Variants in RBFA observed in about 807,000 individuals in gnomAD.
RBFA encodes ribosome binding factor A.
Under a neutral mutation model 27.9 loss-of-function variants are expected in RBFA, and 16 were observed. That is an observed-to-expected ratio of 0.57 (90% CI 0.39 to 0.87). The LOEUF (loss-of-function observed/expected upper bound fraction) is 0.87. RBFA is among the 40% of genes least tolerant of loss of function. RBFA has a pLI of 0.00. For missense variants in RBFA, 456 were observed against 432.1 expected (o/e 1.06, Z -0.49); for synonymous variants, 181 against 181.0 (o/e 1.00, Z 0.00).
rs1004278942 is a variant in RBFA, at chr18:80,048,641, C to A, written c.*2486C>A. On this transcript the variant is annotated 3_prime_UTR_variant, in exon 7 of 7. Transcript: ENST00000306735. ...CCCCAGGCTGCTGCCCAGACCTCCA[C>A]GCCTGTGCCGGATGTGGTGTTGGCA... 1.3e-5 allele frequency among the ~76,000 whole-genome samples: 2 copies of A among 152,242 alleles called. No homozygotes were observed. The highest frequency in any genetic ancestry group is 1.3e-4 in the Admixed American group (2 of 15,288).
At chr18:80,041,387 A>G (rs145108484) in intron 4 of RBFA, 4 of 152,254 alleles carry the variant, frequency 2.6e-5, no homozygotes, top group African/African-American at 9.6e-5. Flanking sequence ...CCGTGCCTAC[A>G]TTGGCCCTAG....
rs1287743196 is a variant in RBFA, at chr18:80,048,757, G to C, written c.*2602G>C. Among the ~76,000 whole-genome samples, 2 of 152,172 alleles carry C rather than the reference G, an allele frequency of 1.3e-5. No individual in the cohort carries two copies. Among genetic ancestry groups the C allele is most frequent in the Non-Finnish European group, 2.9e-5 (2 of 68,028 alleles). On this transcript the variant is annotated 3_prime_UTR_variant, in exon 7 of 7. Transcript: ENST00000306735. ...GAAGTGCTGCAGGAGATCCAACCAGGCGCCGGCTCAGTGCCTCCTAGAAAG... is the reference window on the plus strand; with the variant it reads ...GAAGTGCTGCAGGAGATCCAACCAGCCGCCGGCTCAGTGCCTCCTAGAAAG...
At chr18:80,045,418 G>A (rs1420268735) in intron 6 of RBFA, among the ~76,000 whole-genome samples, 3 of 152,060 alleles carry the variant, frequency 2.0e-5, no homozygotes, top group African/African-American at 7.2e-5. Context: ...GTAGAGACAG[G>A]GTTTCACCAT....
Position 80,037,312 on chromosome 18 carries a change from C to T in RBFA, c.202-18C>T. 6.2e-7 allele frequency: 1 copy of T among 1,610,974 alleles called. No individual in the cohort carries two copies. On this transcript the variant is annotated intron_variant, in intron 2 of 6. Coordinates refer to ENST00000306735, the MANE Select transcript of RBFA (RefSeq NM_024805.3). ...GTTGTAACGCTGCCCTTGGGGTGTG[C>T]TCTTCTTCCTGATGGAGACTTACAA...
intron 4 of RBFA, 45 bp downstream of exon 4, chr18:80,038,662 C>G: frequency 7.2e-7 from 1 of 1,392,212 alleles, no homozygotes; most frequent in Non-Finnish European, 1.0e-6. Flanking sequence ...TTGCTCATAC[C>G]CTAAATTTCT....
In RBFA at chr18:80,037,613, G is replaced by A; in HGVS notation, c.378+107G>A. 4.9e-6 allele frequency: 5 copies of A among 1,022,404 alleles called. No homozygotes were observed. In the South Asian group the frequency reaches 8.8e-5, roughly 18 times the overall value. The allele number at this position is 1,022,404 out of a possible 1,614,324, so 63.3% of individuals were successfully genotyped here. A position where few individuals can be genotyped will look rare whatever the true frequency, so the allele number is the denominator to read the frequency against. On this transcript the variant is annotated intron_variant, in intron 3 of 6. Transcript: ENST00000306735. ...AATTAAAAAAAGACGCTTTAGACTG[G>A]GCGCGGTGGCTCACGCCTGTAATCC...
In RBFA at chr18:80,049,967, A is replaced by AT. The variant is rs1435982453; in HGVS notation, c.*3819dup. Among the ~76,000 whole-genome samples the AT allele has an allele frequency of 2.0e-5, 3 of 152,082 alleles. No individual in the cohort carries two copies. In the East Asian group the frequency reaches 5.8e-4, roughly 29 times the overall value. On this transcript the variant is annotated 3_prime_UTR_variant, in exon 7 of 7. Coordinates refer to ENST00000306735, the MANE Select transcript of RBFA (RefSeq NM_024805.3). ...CTCTACGGGTGACTGCCCTGGGTTG[A>AT]TTTTTTTCCAGTATTATCTTTAGTA...
intron 4 of RBFA, 31 bp downstream of exon 4, chr18:80,038,648 C>A (rs1417019604): frequency 2.6e-6 from 4 of 1,509,694 alleles, no homozygotes; most frequent in Non-Finnish European, 3.7e-6. Flanking sequence ...AATGTACTTG[C>A]TTTTTGCTCA....
At position 80,037,608 on chromosome 18, in the gene RBFA, G is replaced by T. The variant is rs1231660907; in HGVS notation, c.378+102G>T. The T allele has an allele frequency of 2.7e-6, 3 of 1,117,124 alleles. No homozygotes were observed. The East Asian group carries it at 7.4e-5, about 27-fold the overall frequency. The allele number at this position is 1,117,124 out of a possible 1,614,324, so 69.2% of individuals were successfully genotyped here. A position where few individuals can be genotyped will look rare whatever the true frequency, so the allele number is the denominator to read the frequency against. On this transcript the variant is annotated intron_variant, in intron 3 of 6. Coordinates refer to ENST00000306735, the MANE Select transcript of RBFA (RefSeq NM_024805.3). ...CTGACAATTAAAAAAAGACGCTTTA[G>T]ACTGGGCGCGGTGGCTCACGCCTGT...
intron 5 of RBFA, 109 bp downstream of exon 5, chr18:80,042,328 G>T: frequency 3.5e-6 from 2 of 567,162 alleles, no homozygotes; most frequent in African/African-American, 1.9e-5. Flanking sequence ...GGCCTCAAGG[G>T]ATCCTTCTGT....
In RBFA at chr18:80,046,579, C is replaced by T. The variant is rs2052056216; in HGVS notation, c.*424C>T. On this transcript the variant is annotated 3_prime_UTR_variant, in exon 7 of 7. Coordinates refer to ENST00000306735, the MANE Select transcript of RBFA (RefSeq NM_024805.3). ...CCTCCCAACCCCCTGGAGCTGGGCT[C>T]CGTCCCTGGGGCTGCTGGGCTGGCA... is the stretch of plus-strand genomic sequence containing the variant. Among the ~76,000 whole-genome samples the T allele has an allele frequency of 6.6e-6, 1 of 152,210 alleles. No individual in the cohort carries two copies. The highest frequency in any genetic ancestry group is 2.4e-5 in the African/African-American group (1 of 41,462).
intron 3 of RBFA, 105 bp from the exon 4 acceptor site, chr18:80,038,400 T>G: frequency 1.4e-6 from 1 of 739,802 alleles, no homozygotes; most frequent in Non-Finnish European, 2.3e-6. Context: ...AGCCCTGGCT[T>G]GGGTGGGAGG....
In RBFA at chr18:80,048,554, AGAC is replaced by A. The variant is rs2052072170; in HGVS notation, c.*2400_*2402del. 3.9e-5 allele frequency among the ~76,000 whole-genome samples: 6 copies of A among 152,220 alleles called. No individual in the cohort carries two copies. The highest frequency in any genetic ancestry group is 3.9e-4 in the Admixed American group (6 of 15,284). On this transcript the variant is annotated 3_prime_UTR_variant, in exon 7 of 7. Coordinates refer to ENST00000306735, the MANE Select transcript of RBFA (RefSeq NM_024805.3). ...CTAGTGTCTAGAGCCATGAGGACAG[AGAC>A]CAGAAGGGACAAGAAGGAGTGGGCA...
chr18:80,034,445 CGCGCCT>C lies in RBFA; in HGVS notation c.-45_-40del. ...GCCACCCTCGCGTCAGTTGTCGCTC[CGCGCCT>C]GCGCCCGTTGTCTCCCTGCTCGCTC... On this transcript the variant is annotated 5_prime_UTR_variant, in exon 1 of 7. Coordinates refer to ENST00000306735, the MANE Select transcript of RBFA (RefSeq NM_024805.3). 1.4e-6 allele frequency: 2 copies of C among 1,420,518 alleles called. No homozygotes were observed. The highest frequency in any genetic ancestry group is 1.8e-6 in the Non-Finnish European group (2 of 1,092,672). 88.0% of individuals were successfully genotyped at this position (1,420,518 alleles called of 1,614,324 possible).
At position 80,050,381 on chromosome 18, in the gene RBFA, A is replaced by G. The variant is rs770810433; in HGVS notation, c.*4226A>G. 1.3e-5 allele frequency among the ~76,000 whole-genome samples: 2 copies of G among 152,124 alleles called. No homozygotes were observed. The highest frequency in any genetic ancestry group is 2.9e-5 in the Non-Finnish European group (2 of 68,010). On this transcript the variant is annotated 3_prime_UTR_variant, in exon 7 of 7. Coordinates refer to ENST00000306735, the MANE Select transcript of RBFA (RefSeq NM_024805.3). ...ATTATCATGGGCACAGAGTAGGTGTATATATTTGTGGGGTACATGAGATGT... is the reference window on the plus strand; with the variant it reads ...ATTATCATGGGCACAGAGTAGGTGTGTATATTTGTGGGGTACATGAGATGT...
At chr18:80,040,187 T>C (rs577087566) in intron 4 of RBFA, among the ~76,000 whole-genome samples, 1 of 151,418 alleles carries the variant, frequency 6.6e-6, no homozygotes, top group Non-Finnish European at 1.5e-5. Flanking sequence ...ATCCATACTT[T>C]TCTCATGGCT....
chr18:80,040,055 G>A (rs2145145421), intron 4 of RBFA, among the ~76,000 whole-genome samples: 1 of 152,024 alleles, frequency 6.6e-6, no homozygotes, highest in Admixed American at 6.6e-5. Flanking sequence ...GGTTACAGAC[G>A]CCCGCCACCA....
At chr18:80,039,834 G>A (rs989277288) in intron 4 of RBFA, among the ~76,000 whole-genome samples, 5 of 152,232 alleles carry the variant, frequency 3.3e-5, no homozygotes, top group Non-Finnish European at 7.3e-5. Flanking sequence ...CAAAGTGTGA[G>A]CCAGATGGTG....
Position 80,034,454 on chromosome 18 carries a change from G to T in RBFA, c.-42G>T. The T allele has an allele frequency of 2.1e-6, 3 of 1,442,344 alleles. No homozygotes were observed. The highest frequency in any genetic ancestry group is 2.7e-6 in the Non-Finnish European group (3 of 1,104,746). The allele number at this position is 1,442,344 out of a possible 1,614,324, so 89.3% of individuals were successfully genotyped here. On this transcript the variant is annotated 5_prime_UTR_variant, in exon 1 of 7. Coordinates refer to ENST00000306735, the MANE Select transcript of RBFA (RefSeq NM_024805.3). ...GCGTCAGTTGTCGCTCCGCGCCTGCGCCCGTTGTCTCCCTGCTCGCTCCGG... is the reference window on the plus strand; with the variant it reads ...GCGTCAGTTGTCGCTCCGCGCCTGCTCCCGTTGTCTCCCTGCTCGCTCCGG...
Sources: gnomAD v4.1 joint callset for allele counts (sites outside exome capture counted in the v4.1 genomes callset) on GRCh38, gnomAD v4.1.1 for gene constraint, MANE v1.5 for transcripts, NCBI Gene and HGNC (gene_info 2026-07-23, HGNC 2026-07-21) for gene names.